The following PLXNA2 variants were observed in gnomAD, a reference collection of about 807,000 sequenced individuals.
The protein encoded by PLXNA2 is plexin-A2.
In PLXNA2, 91 loss-of-function variants were observed where a neutral mutation model predicts 193.5. The ratio of observed to expected loss-of-function variants is 0.47; its 90% CI spans 0.40 to 0.56. PLXNA2 has a LOEUF of 0.56. Among genes scored for constraint, PLXNA2 ranks in the 20% least tolerant of loss-of-function variants. The pLI is 0.00. For missense variants in PLXNA2, 1,995 were observed against 2,503.2 expected, an observed-to-expected ratio of 0.80 and a Z score of 4.33; for synonymous variants, 997 against 1,027.3, an observed-to-expected ratio of 0.97 and a Z score of 0.56.
In PLXNA2 at chr1:208,141,212, T is replaced by G. The variant is rs557864097; in HGVS notation, c.1506+1117A>C. On this transcript the variant is annotated intron_variant, in intron 4 of 31. Transcript: ENST00000367033. ...TTCAACTCAGAACTGCATCACTGCT[T>G]CCCTTAATGCTGTCGTGTGCACACT... is the stretch of plus-strand genomic sequence containing the variant. Among the ~76,000 whole-genome samples the G allele has an allele frequency of 2.0e-5, 3 of 152,344 alleles. No homozygotes were observed. In the South Asian group the frequency reaches 6.2e-4, roughly 32 times the overall value.
At chr1:208,098,241 C>T (rs538038549) in intron 6 of PLXNA2, among the ~76,000 whole-genome samples, 5 of 152,290 alleles carry the variant, frequency 3.3e-5, no homozygotes, top group African/African-American at 1.2e-4. Flanking sequence ...TTGGAAGGTT[C>T]ATTAACTAAT....
At chr1:208,211,781 G>A (rs1196606513) in intron 2 of PLXNA2, among the ~76,000 whole-genome samples, 1 of 152,106 alleles carries the variant, frequency 6.6e-6, no homozygotes, top group Non-Finnish European at 1.5e-5. Context: ...GTGAAAACTT[G>A]GACAAGCAGG....
At chr1:208,230,485 A>C (rs767369324) in intron 1 of PLXNA2, 4 of 152,338 alleles carry the variant, frequency 2.6e-5, no homozygotes, top group Non-Finnish European at 5.9e-5. Context: ...GGCAGCACAG[A>C]AGGGTGTGGA....
At chr1:208,159,096 C>T (rs911874839) in intron 3 of PLXNA2, among the ~76,000 whole-genome samples, 38 of 152,154 alleles carry the variant, frequency 2.5e-4, no homozygotes, top group African/African-American at 8.9e-4. Context: ...ACAACAAAAC[C>T]ACCATGACTC....
chr1:208,074,949 G>A (rs897693923), intron 12 of PLXNA2, among the ~76,000 whole-genome samples: 3 of 152,204 alleles, frequency 2.0e-5, no homozygotes, highest in East Asian at 1.9e-4. Context: ...ATGGAAGTCC[G>A]ATGATTCAGA....
chr1:208,171,510 T>C (rs996747220), intron 3 of PLXNA2, among the ~76,000 whole-genome samples: 1 of 152,208 alleles, frequency 6.6e-6, no homozygotes, highest in African/African-American at 2.4e-5. Context: ...ACCTGCTCGC[T>C]AACCTCTGAT....
intron 4 of PLXNA2, among the ~76,000 whole-genome samples, chr1:208,106,779 T>G (rs1197177789): frequency 6.6e-6 from 1 of 152,274 alleles, no homozygotes; most frequent in Non-Finnish European, 1.5e-5. Flanking sequence ...AAATTACACA[T>G]GTAGTTCATG....
chr1:208,042,022 G>A, intron 22 of PLXNA2, 76 bp downstream of exon 22: 2 of 1,477,684 alleles, frequency 1.4e-6, no homozygotes, highest in Non-Finnish European at 1.8e-6. Context: ...TGCTGCTTGT[G>A]GGGCCTGCTA....
chr1:208,045,729 C>T, intron 18 of PLXNA2, 149 bp downstream of exon 18: 1 of 918,626 alleles, frequency 1.1e-6, no homozygotes, highest in Admixed American at 2.2e-5. Flanking sequence ...GATATCTACC[C>T]ATGAGCTCCT....
At position 208,079,388 on chromosome 1, in the gene PLXNA2, T is replaced by C; in HGVS notation, c.2458A>G (p.Lys820Glu). The C allele has an allele frequency of 6.2e-7, 1 of 1,613,648 alleles. No homozygotes were observed. The highest frequency in any genetic ancestry group is 8.5e-7 in the Non-Finnish European group (1 of 1,179,804). The change falls in exon 12 of 32, where the codon AAG becomes GAG. Residue 820 changes from lysine (K) to glutamate (E), a missense_variant. Coordinates refer to ENST00000367033, the MANE Select transcript of PLXNA2 (RefSeq NM_025179.4). Reference protein sequence around the residue: ...SCGLCLKADRKFECGWCSGER... With the variant: ...SCGLCLKADREFECGWCSGER... The stretch of plus-strand genomic sequence containing the variant: ...CCGCTGCACCAGCCACACTCAAACT[T>C]CCGGTCGGCCTTGAGGCAGAGGCCG...
In PLXNA2 at chr1:208,095,965, G is replaced by A. The variant is rs112057150; in HGVS notation, c.1982+64C>T. 4.2e-5 allele frequency: 53 copies of A among 1,249,232 alleles called. No homozygotes were observed. The African/African-American group carries it at 5.2e-4, about 12-fold the overall frequency. 77.4% of individuals were successfully genotyped at this position (1,249,232 alleles called of 1,614,324 possible). ...TCCTGCCCTAAAGGAGCTTAGCATC[G>A]AGGGGAAGAAAGCCCATACCCACAT... On this transcript the variant is annotated intron_variant, in intron 8 of 31. Coordinates refer to ENST00000367033, the MANE Select transcript of PLXNA2 (RefSeq NM_025179.4).
intron 3 of PLXNA2, among the ~76,000 whole-genome samples, chr1:208,209,485 G>A (rs1042623267): frequency 3.3e-5 from 5 of 152,296 alleles, no homozygotes; most frequent in South Asian, 2.1e-4. Flanking sequence ...AGCTGAGACC[G>A]GAAAGAATGT....
intron 27 of PLXNA2, 51 bp downstream of exon 27, chr1:208,034,442 G>A (rs1353646154): frequency 8.4e-7 from 1 of 1,192,524 alleles, no homozygotes; most frequent in Non-Finnish European, 1.3e-6. Flanking sequence ...GCCCTGCTAG[G>A]TCTCAGAAGA....
In PLXNA2 at chr1:208,038,887, A is replaced by G; in HGVS notation, c.4598T>C (p.Leu1533Pro). 1 of 1,614,146 alleles carries G rather than the reference A, an allele frequency of 6.2e-7. No homozygotes were observed. The highest frequency in any genetic ancestry group is 8.5e-7 in the Non-Finnish European group (1 of 1,180,024). Reference sequence around the variant, plus strand: ...GGGCACATTCTTATACACGGCATCAAGAATCTTCTCCTTGACCTGTGTGAT... The same window carrying G: ...GGGCACATTCTTATACACGGCATCAGGAATCTTCTCCTTGACCTGTGTGAT... ...DTITQVKEKI[L>P]DAVYKNVPYS... Residue 1533 changes from leucine to proline, a missense_variant, in exon 25 of 32, where the codon CTT becomes CCT. Leu to Pro is a moderately conservative substitution (Grantham distance 98). Around this residue, in one of 3 missense-constraint regions of PLXNA2, gnomAD observed 1,291 missense variants for 1,673.6 expected, o/e 0.77. Transcript: ENST00000367033. This position sits in a 1 kb window ranked among gnomAD's most constrained non-coding sequence, Gnocchi z 4.1.
chr1:208,152,676 C>CACACGA (rs1668801920), intron 3 of PLXNA2, among the ~76,000 whole-genome samples: 4 of 86,456 alleles, frequency 4.6e-5, no homozygotes, highest in South Asian at 1.2e-3. Context: ...CATACACACA[C>CACACGA]ACACACGCAC....
At chr1:208,208,619 T>C (rs1021777341) in intron 3 of PLXNA2, among the ~76,000 whole-genome samples, 4 of 152,194 alleles carry the variant, frequency 2.6e-5, no homozygotes, top group African/African-American at 7.2e-5. Context: ...GGAGACAGAA[T>C]GACACACATG....
At chr1:208,186,634 G>C (rs1176193038) in intron 3 of PLXNA2, among the ~76,000 whole-genome samples, 3 of 152,148 alleles carry the variant, frequency 2.0e-5, no homozygotes, top group Non-Finnish European at 4.4e-5. Flanking sequence ...AATGGGATAG[G>C]GGGAGAGTAG....
intron 11 of PLXNA2, among the ~76,000 whole-genome samples, chr1:208,081,998 T>C (rs1666359750): frequency 2.6e-5 from 4 of 152,070 alleles, no homozygotes. Flanking sequence ...CCTCAGGAAC[T>C]GGAGAGCAGC....
intron 11 of PLXNA2, among the ~76,000 whole-genome samples, chr1:208,080,810 C>T (rs1454393364): frequency 6.6e-6 from 1 of 152,192 alleles, no homozygotes; most frequent in Non-Finnish European, 1.5e-5. Flanking sequence ...GGGCATCCTT[C>T]CCTCCACTTC....
Sources: allele counts gnomAD v4.1 joint callset (sites outside exome capture counted in the v4.1 genomes callset), GRCh38; gene constraint gnomAD v4.1.1; regional missense constraint gnomAD v4.1.1; non-coding constraint Gnocchi (gnomAD v3.1); transcripts MANE v1.5; gene names NCBI Gene and HGNC (gene_info 2026-07-23, HGNC 2026-07-21).